The following GREM2 variants were observed in gnomAD, a reference collection of about 807,000 sequenced individuals.
GREM2 encodes gremlin 2, DAN family BMP antagonist.
GREM2 carries 11 observed loss-of-function variants against 14.2 expected under a neutral mutation model. The observed-to-expected ratio is 0.78, with a 90% CI of 0.49 to 1.28. The LOEUF (loss-of-function observed/expected upper bound fraction) is 1.28. Ranked by LOEUF, GREM2 falls within the 50% of genes most tolerant of loss-of-function variation. The probability of loss-of-function intolerance (pLI) is 0.00; values close to 1 mark genes in which losing one functional copy is unlikely to be tolerated. For synonymous variants in GREM2, 98 were observed against 97.6 expected (o/e 1.00, Z -0.02); for missense variants, 210 against 218.5 (o/e 0.96, Z 0.24).
intron 1 of GREM2, among the ~76,000 whole-genome samples, chr1:240,594,119 A>C (rs1453712670): frequency 6.6e-6 from 1 of 151,618 alleles, no homozygotes; most frequent in Non-Finnish European, 1.5e-5. Flanking sequence ...ACATCCTGCT[A>C]ATTTTTTGAT....
intron 1 of GREM2, among the ~76,000 whole-genome samples, chr1:240,534,059 G>C (rs1678421107): frequency 6.6e-6 from 1 of 152,186 alleles, no homozygotes; most frequent in Non-Finnish European, 1.5e-5. Flanking sequence ...AAATAGTTAT[G>C]AATGGGCTAG....
chr1:240,501,311 G>A (rs1677564926), intron 1 of GREM2, among the ~76,000 whole-genome samples: 1 of 152,142 alleles, frequency 6.6e-6, no homozygotes, highest in Non-Finnish European at 1.5e-5. Flanking sequence ...AATCCAAATG[G>A]ATTCATTTAC....
intron 1 of GREM2, among the ~76,000 whole-genome samples, chr1:240,526,206 G>A (rs1009454340): frequency 6.6e-6 from 1 of 152,120 alleles, no homozygotes; most frequent in Non-Finnish European, 1.5e-5. Context: ...TTTGGAGGGG[G>A]GCATTGTTTC....
intron 1 of GREM2, among the ~76,000 whole-genome samples, chr1:240,566,330 T>C (rs1264234129): frequency 1.3e-5 from 2 of 152,152 alleles, no homozygotes; most frequent in Middle Eastern, 3.2e-3. Flanking sequence ...TTTGAAACCA[T>C]GGCTTGCAAG....
At position 240,540,033 on chromosome 1, in the gene GREM2, G is replaced by C. The variant is rs1224689114; in HGVS notation, c.-1-46557C>G. Among the ~76,000 whole-genome samples, 1 of 152,152 alleles carries C rather than the reference G, an allele frequency of 6.6e-6. No homozygotes were observed. The stretch of plus-strand genomic sequence containing the variant: ...GCCTCAGGATCCCTTGCTATGTGCT[G>C]AGATTTTCTGTCTTATGACATTAGC... On this transcript the variant is annotated intron_variant, in intron 1 of 1. Coordinates refer to ENST00000318160, the MANE Select transcript of GREM2 (RefSeq NM_022469.4). This position sits in a 1 kb window ranked among gnomAD's most constrained non-coding sequence, Gnocchi z 4.2.
intron 1 of GREM2, among the ~76,000 whole-genome samples, chr1:240,605,063 T>A (rs1258821581): frequency 2.6e-5 from 4 of 152,164 alleles, no homozygotes; most frequent in African/African-American, 9.7e-5. Context: ...AAGTTCTAAG[T>A]TGCTAGCCAA....
Position 240,595,165 on chromosome 1 carries a change from C to T in GREM2, c.-2+16719G>A, listed in dbSNP as rs143445527. Among the ~76,000 whole-genome samples, 77 of 152,294 alleles carry T rather than the reference C, an allele frequency of 5.1e-4. 1 individual carries two copies. Among genetic ancestry groups the T allele is most frequent in the African/African-American group, 1.6e-3 (68 of 41,574 alleles). ...CTTCGGGAGGCCGAGGAGGGTGGAT[C>T]TCCTACAAATACAAAGGTTAGCTGG... On this transcript the variant is annotated intron_variant, in intron 1 of 1. Transcript: ENST00000318160.
chr1:240,610,117 A>C (rs985648776), intron 1 of GREM2, among the ~76,000 whole-genome samples: 10 of 152,310 alleles, frequency 6.6e-5, no homozygotes, highest in Admixed American at 1.3e-4. Context: ...ATTGCTTTAG[A>C]GTTAGAAAGA....
intron 1 of GREM2, among the ~76,000 whole-genome samples, chr1:240,591,527 G>A (rs958973765): frequency 3.9e-5 from 6 of 152,230 alleles, no homozygotes; most frequent in East Asian, 3.9e-4. Context: ...GTTAGTCGAC[G>A]CTCACGTTTT....
chr1:240,500,327 C>T (rs1677541443), intron 1 of GREM2, among the ~76,000 whole-genome samples: 1 of 150,308 alleles, frequency 6.7e-6, no homozygotes, highest in Non-Finnish European at 1.5e-5. Context: ...CAGACAGAGT[C>T]TTGCTCTGTT....
At position 240,584,979 on chromosome 1, in the gene GREM2, C is replaced by T. The variant is rs1404475644; in HGVS notation, c.-2+26905G>A. Among the ~76,000 whole-genome samples, 5 of 152,038 alleles carry T rather than the reference C, an allele frequency of 3.3e-5. No homozygotes were observed. The South Asian group carries it at 6.2e-4, about 19-fold the overall frequency. On this transcript the variant is annotated intron_variant, in intron 1 of 1. Coordinates refer to ENST00000318160, the MANE Select transcript of GREM2 (RefSeq NM_022469.4). Reference sequence around the variant, plus strand: ...ATCCTTTGCCTTTTTTGTAGTTTCCCTTCCATTTGAGGGGGAAAAAAAGTA... The same window carrying T: ...ATCCTTTGCCTTTTTTGTAGTTTCCTTTCCATTTGAGGGGGAAAAAAAGTA...
chr1:240,558,329 G>A (rs1678986212), intron 1 of GREM2, among the ~76,000 whole-genome samples: 1 of 152,132 alleles, frequency 6.6e-6, no homozygotes, highest in African/African-American at 2.4e-5. Flanking sequence ...AGCTGAGAGA[G>A]ATCCAATTTC....
intron 1 of GREM2, among the ~76,000 whole-genome samples, chr1:240,512,357 CA>C (rs1677852202): frequency 2.0e-5 from 3 of 152,126 alleles, no homozygotes; most frequent in African/African-American, 7.2e-5. Context: ...AGAAAATATA[CA>C]TTTTAAAAAT....
chr1:240,589,094 G>T (rs560318489), intron 1 of GREM2: 1 of 152,318 alleles, frequency 6.6e-6, no homozygotes, highest in South Asian at 2.1e-4. Context: ...CTGCACACCA[G>T]CCTGAGCGAC....
intron 1 of GREM2, among the ~76,000 whole-genome samples, chr1:240,571,834 A>C (rs1479624862): frequency 2.6e-5 from 4 of 152,206 alleles, no homozygotes; most frequent in Non-Finnish European, 1.5e-5. Flanking sequence ...GTCACTTCCC[A>C]GCATTCAAAT....
At chr1:240,601,460 C>T (rs1454619157) in intron 1 of GREM2, among the ~76,000 whole-genome samples, 1 of 152,198 alleles carries the variant, frequency 6.6e-6, no homozygotes, top group Non-Finnish European at 1.5e-5. Flanking sequence ...GAAAAAGCTT[C>T]TTAAGCCCTC....
chr1:240,514,559 A>G (rs12090531), intron 1 of GREM2, among the ~76,000 whole-genome samples: 32,561 of 152,046 alleles, frequency 0.21, 4,124 homozygotes, highest in African/African-American at 0.36. Flanking sequence ...AGAACAAGAG[A>G]TAAGAAACAG....
At chr1:240,520,234 C>T in intron 1 of GREM2, among the ~76,000 whole-genome samples, 1 of 152,124 alleles carries the variant, frequency 6.6e-6, no homozygotes, top group East Asian at 1.9e-4. Flanking sequence ...GTCAATTACC[C>T]TAATTTGCTC....
chr1:240,516,051 A>T (rs770079069), intron 1 of GREM2, among the ~76,000 whole-genome samples: 24 of 151,546 alleles, frequency 1.6e-4, no homozygotes, highest in Non-Finnish European at 3.5e-4. Flanking sequence ...CCCCCGCCCC[A>T]TGCCCCAAGT....
Sources: gnomAD v4.1 joint callset for allele counts (sites outside exome capture counted in the v4.1 genomes callset) on GRCh38, gnomAD v4.1.1 for gene constraint, Gnocchi (gnomAD v3.1) non-coding constraint, MANE v1.5 for transcripts, NCBI Gene and HGNC (gene_info 2026-07-23, HGNC 2026-07-21) for gene names.